ALDH1L2: variants seen among roughly 807,000 people sequenced by gnomAD.
ALDH1L2 encodes aldehyde dehydrogenase 1 family member L2.
ALDH1L2 carries 91 observed loss-of-function variants against 111.0 expected under a neutral mutation model. The ratio of observed to expected loss-of-function variants is 0.82; its 90% CI spans 0.69 to 0.98. ALDH1L2 has a LOEUF of 0.98. Ranked by LOEUF, ALDH1L2 falls within the 50% of genes least tolerant of loss-of-function variation. The probability of loss-of-function intolerance (pLI) is 0.00; values close to 1 mark genes in which losing one functional copy is unlikely to be tolerated. For synonymous variants in ALDH1L2, 374 were observed against 392.6 expected, an observed-to-expected ratio of 0.95 and a Z score of 0.56; for missense variants, 995 against 1,126.8, an observed-to-expected ratio of 0.88 and a Z score of 1.67.
intron 16 of ALDH1L2, 85 bp downstream of exon 16, chr12:105,040,522 G>A (rs12297353): frequency 0.051 from 60,573 of 1,189,348 alleles, 2,461 homozygotes; most frequent in East Asian, 0.18. Context: ...TATAATTCAG[G>A]ACAAGTCTCT....
chr12:105,041,613 A>G (rs1387957190), intron 15 of ALDH1L2, among the ~76,000 whole-genome samples: 1 of 152,228 alleles, frequency 6.6e-6, no homozygotes, highest in Non-Finnish European at 1.5e-5. Flanking sequence ...CTGGATAATA[A>G]TCCTAAAGTA....
intron 13 of ALDH1L2, chr12:105,047,329 A>G (rs1875982232): frequency 3.8e-6 from 1 of 263,140 alleles, no homozygotes; most frequent in African/African-American, 2.2e-5. Flanking sequence ...CCCATTCTCC[A>G]GATTAGGGAT....
chr12:105,073,398 T>C (rs371939602), intron 2 of ALDH1L2, among the ~76,000 whole-genome samples: 2 of 113,364 alleles, frequency 1.8e-5, no homozygotes, highest in African/African-American at 5.3e-5. Flanking sequence ...CAAATGGCCA[T>C]GACAAATGGA....
chr12:105,079,756 G>T (rs1878248716), intron 1 of ALDH1L2, among the ~76,000 whole-genome samples: 1 of 152,020 alleles, frequency 6.6e-6, no homozygotes, highest in Non-Finnish European at 1.5e-5. Context: ...TCACAGATAA[G>T]ACTACAGTCC....
chr12:105,060,827 GAA>G (rs10674036), intron 9 of ALDH1L2, 152 bp downstream of exon 9: 809 of 139,720 alleles, frequency 5.8e-3, no homozygotes, highest in East Asian at 9.2e-3. Context: ...TCCATCTCAG[GAA>G]AAAAAAAAAA....
At chr12:105,046,149 T>TTC (rs541003101) in intron 15 of ALDH1L2, among the ~76,000 whole-genome samples, 425 of 35,902 alleles carry the variant, frequency 0.012, 4 homozygotes, top group Non-Finnish European at 0.014. Flanking sequence ...CTTCTACATC[T>TTC]TCTCTCTCTC....
intron 13 of ALDH1L2, among the ~76,000 whole-genome samples, chr12:105,049,409 C>T (rs955424973): frequency 2.0e-5 from 3 of 152,150 alleles, no homozygotes. Context: ...GTTGTTATAA[C>T]CATTGCGAGG....
intron 1 of ALDH1L2, among the ~76,000 whole-genome samples, chr12:105,082,929 G>C (rs543182026): frequency 6.7e-6 from 1 of 149,932 alleles, no homozygotes; most frequent in Non-Finnish European, 1.5e-5. Context: ...GCTTCCTTTC[G>C]ACCACTGAGG....
chr12:105,075,410 C>T (rs542384544), intron 1 of ALDH1L2, among the ~76,000 whole-genome samples: 2 of 152,244 alleles, frequency 1.3e-5, no homozygotes, highest in African/African-American at 2.4e-5. Context: ...CATGGAGAAA[C>T]CCTGTCTCTA....
At chr12:105,069,469 T>C (rs73393861) in intron 3 of ALDH1L2, among the ~76,000 whole-genome samples, 8,088 of 152,256 alleles carry the variant, frequency 0.053, 707 homozygotes, top group African/African-American at 0.18. Flanking sequence ...TCAGAAATAC[T>C]AAGAAATTGA....
chr12:105,071,083 A>G (rs1386921948), intron 2 of ALDH1L2, among the ~76,000 whole-genome samples: 2 of 152,204 alleles, frequency 1.3e-5, no homozygotes, highest in African/African-American at 2.4e-5. Flanking sequence ...TAGATCAAAA[A>G]TGGTACCTTT....
chr12:105,035,083 G>GCACTACA (rs1874913377), intron 18 of ALDH1L2, among the ~76,000 whole-genome samples: 1 of 151,986 alleles, frequency 6.6e-6, no homozygotes, highest in African/African-American at 2.4e-5. Context: ...CAAGTAGCTG[G>GCACTACA]CACTACAGGT....
intron 12 of ALDH1L2, 126 bp from the exon 13 acceptor site, chr12:105,050,184 G>C (rs997193802): frequency 3.1e-5 from 28 of 904,858 alleles, no homozygotes; most frequent in Non-Finnish European, 3.2e-5. Flanking sequence ...TGCCCTTATA[G>C]AGATCATGGT....
rs963585475 is a variant in ALDH1L2, at chr12:105,044,185, T to C, written c.1863+2525A>G. ...GTAATTTCCATGGAGACAGAAACTT[T>C]GTGTATCTTCATCACTACTACCTAT... is the stretch of plus-strand genomic sequence containing the variant. On this transcript the variant is annotated intron_variant, in intron 15 of 22. Transcript: ENST00000258494. Among the ~76,000 whole-genome samples the C allele has an allele frequency of 4.6e-5, 7 of 152,324 alleles. No individual in the cohort carries two copies. The South Asian group carries it at 1.2e-3, about 27-fold the overall frequency.
intron 16 of ALDH1L2, among the ~76,000 whole-genome samples, chr12:105,040,180 G>A (rs964023639): frequency 5.4e-5 from 8 of 148,496 alleles, no homozygotes; most frequent in Non-Finnish European, 1.2e-4. Flanking sequence ...TAGTGAAGAT[G>A]GCTTTAAATT....
intron 1 of ALDH1L2, among the ~76,000 whole-genome samples, chr12:105,076,562 A>G (rs1291576307): frequency 6.6e-6 from 1 of 152,130 alleles, no homozygotes; most frequent in Non-Finnish European, 1.5e-5. Context: ...TTTTTCATAC[A>G]CCAGCTGTGC....
Position 105,024,524 on chromosome 12 carries a change from CAT to C in ALDH1L2, c.2717-47_2717-46del, listed in dbSNP as rs750525462. On this transcript the variant is annotated intron_variant, in intron 22 of 22. Transcript: ENST00000258494. The stretch of plus-strand genomic sequence containing the variant: ...TTGACAGACCACATTCAGAGGCAGA[CAT>C]GTGATGTCTTCAGACCTTCAGACAT... 182 of 1,578,844 alleles carry C rather than the reference CAT, an allele frequency of 1.2e-4. No homozygotes were observed. In the African/African-American group the frequency reaches 2.1e-3, roughly 18 times the overall value.
At chr12:105,051,364 C>T (rs566474664) in intron 12 of ALDH1L2, among the ~76,000 whole-genome samples, 2 of 152,294 alleles carry the variant, frequency 1.3e-5, no homozygotes, top group African/African-American at 2.4e-5. Flanking sequence ...CCCTGGCTCC[C>T]TCGCTGATAG....
Position 105,065,278 on chromosome 12 carries a change from TCTCTGTCCAAG to T in ALDH1L2, c.764_774del (p.Ala255AspfsTer16), listed in dbSNP as rs1305238868. 1 of 1,607,906 alleles carries T rather than the reference TCTCTGTCCAAG, an allele frequency of 6.2e-7. No homozygotes were observed. Among genetic ancestry groups the T allele is most frequent in the Non-Finnish European group, 8.5e-7 (1 of 1,175,828 alleles). On this transcript the variant is annotated frameshift_variant, in exon 6 of 23. Transcript: ENST00000258494. LOFTEE classifies it high-confidence loss of function. ...TCCCTAAAACATACCTGTCCATTTA[TCTCTGTCCAAG>T]CTCCAGGGACTTTATCATGACCTCG... is the stretch of plus-strand genomic sequence containing the variant.
Sources: allele counts gnomAD v4.1 joint callset (sites outside exome capture counted in the v4.1 genomes callset), GRCh38; gene constraint gnomAD v4.1.1; transcripts MANE v1.5; gene names NCBI Gene and HGNC (gene_info 2026-07-23, HGNC 2026-07-21).